Variants in RGMA observed in about 807,000 individuals in gnomAD.
RGMA encodes repulsive guidance molecule BMP co-receptor a, also known as repulsive guidance molecule A.
In RGMA, 10 loss-of-function variants were observed where a neutral mutation model predicts 23.2. The ratio of observed to expected loss-of-function variants is 0.43; its 90% CI spans 0.27 to 0.73. RGMA has a LOEUF of 0.73. RGMA is among the 30% of genes least tolerant of loss of function. RGMA has a pLI of 0.20. For missense variants in RGMA, 547 were observed against 630.5 expected (o/e 0.87, Z 1.42); for synonymous variants, 308 against 279.3 (o/e 1.10, Z -1.03).
At chr15:93,052,535 C>T (rs755533149) in intron 2 of RGMA, 28 bp from the exon 3 acceptor site, 15 of 1,529,720 alleles carry the variant, frequency 9.8e-6, no homozygotes, top group South Asian at 2.5e-5. Flanking sequence ...AACACACCGT[C>T]GGGGTGCAGC....
In RGMA at chr15:93,042,778, A is replaced by T. The variant is rs910881689; in HGVS notation, c.*2220T>A. Reference sequence around the variant, plus strand: ...GAAATGTGATCACAGCTGCCAATAAACCTGGTCCCACAGTGACGTGGACAG... The same window carrying T: ...GAAATGTGATCACAGCTGCCAATAATCCTGGTCCCACAGTGACGTGGACAG... On this transcript the variant is annotated 3_prime_UTR_variant, in exon 4 of 4. Transcript: ENST00000329082. 2.0e-5 allele frequency: 3 copies of T among 152,130 alleles called. No homozygotes were observed. Among genetic ancestry groups the T allele is most frequent in the Admixed American group, 2.0e-4 (3 of 15,272 alleles). 9.4% of individuals were successfully genotyped at this position (152,130 alleles called of 1,614,324 possible).
In RGMA at chr15:93,040,446, G is replaced by C. The variant is rs1293527802; in HGVS notation, c.*4552C>G. The C allele has an allele frequency of 6.6e-6, 1 of 152,560 alleles. No homozygotes were observed. Among genetic ancestry groups the C allele is most frequent in the Non-Finnish European group, 1.5e-5 (1 of 68,344 alleles). The allele number at this position is 152,560 out of a possible 1,614,324, so 9.5% of individuals were successfully genotyped here. ...CTCCCCCTTTGCTGCTGCTGCTCTA[G>C]GGCTGTTACACTGTTTTCTCTGCAC... On this transcript the variant is annotated 3_prime_UTR_variant, in exon 4 of 4. Coordinates refer to ENST00000329082, the MANE Select transcript of RGMA (RefSeq NM_020211.3).
chr15:93,068,717 A>G (rs2141835478), intron 2 of RGMA, among the ~76,000 whole-genome samples: 1 of 152,258 alleles, frequency 6.6e-6, no homozygotes. Context: ...CTGAACATCA[A>G]CTCCGAATTC....
chr15:93,064,168 T>TGG (rs36060311), intron 2 of RGMA, among the ~76,000 whole-genome samples: 89 of 151,994 alleles, frequency 5.9e-4, no homozygotes, highest in African/African-American at 1.2e-3. Flanking sequence ...GCAGCTTCAG[T>TGG]GGGGGGGCTG....
intron 2 of RGMA, among the ~76,000 whole-genome samples, chr15:93,053,017 T>C (rs2054953993): frequency 6.6e-6 from 1 of 152,162 alleles, no homozygotes; most frequent in Admixed American, 6.5e-5. Context: ...GAGTGTGAAG[T>C]GATTTATCAC....
chr15:93,059,893 G>C (rs1013806641), intron 2 of RGMA, among the ~76,000 whole-genome samples: 2 of 152,134 alleles, frequency 1.3e-5, no homozygotes, highest in Non-Finnish European at 2.9e-5. Flanking sequence ...TTTCTGATGC[G>C]AACGTCCATG....
chr15:93,048,091 G>T (rs952807006), intron 3 of RGMA, among the ~76,000 whole-genome samples: 3 of 152,200 alleles, frequency 2.0e-5, no homozygotes, highest in Non-Finnish European at 4.4e-5. Context: ...GAGGCCTGAG[G>T]CCTGGAAAGG....
At position 93,083,169 on chromosome 15, in the gene RGMA, T is replaced by G. The variant is rs537679654; in HGVS notation, c.14+5750A>C. ...AAATCAGACACCTGGAGCTTAGGTATCTACTTGCTCAAAATGCTCCTTATC... is the reference window on the plus strand; with the variant it reads ...AAATCAGACACCTGGAGCTTAGGTAGCTACTTGCTCAAAATGCTCCTTATC... On this transcript the variant is annotated intron_variant, in intron 1 of 3. Transcript: ENST00000329082. Among the ~76,000 whole-genome samples, 253 of 152,382 alleles carry G rather than the reference T, an allele frequency of 1.7e-3. 1 individual carries two copies. Among genetic ancestry groups the G allele is most frequent in the African/African-American group, 5.9e-3 (246 of 41,590 alleles).
At chr15:93,048,264 G>C (rs377290346) in intron 3 of RGMA, among the ~76,000 whole-genome samples, 12 of 152,160 alleles carry the variant, frequency 7.9e-5, no homozygotes, top group Admixed American at 7.9e-4. Flanking sequence ...GGAACCCCCG[G>C]AAGAACAGAG....
intron 2 of RGMA, among the ~76,000 whole-genome samples, chr15:93,058,208 G>A (rs1043306046): frequency 5.8e-4 from 88 of 152,314 alleles, no homozygotes; most frequent in African/African-American, 2.0e-3. Flanking sequence ...ATTCAGGGTC[G>A]ACAGGCAACA....
At chr15:93,063,413 G>A (rs1895036297) in intron 2 of RGMA, among the ~76,000 whole-genome samples, 1 of 152,222 alleles carries the variant, frequency 6.6e-6, no homozygotes, top group African/African-American at 2.4e-5. Context: ...GGATCTCACA[G>A]GGGACAGGAA....
chr15:93,081,435 T>C lies in RGMA; in HGVS notation c.14+7484A>G, dbSNP rs1240018197. 2.0e-5 allele frequency among the ~76,000 whole-genome samples: 3 copies of C among 152,340 alleles called. No homozygotes were observed. In the East Asian group the frequency reaches 5.8e-4, roughly 29 times the overall value. On this transcript the variant is annotated intron_variant, in intron 1 of 3. Transcript: ENST00000329082. ...ATTCAGTAATAATGCCCAACAATAC[T>C]ATAGTATACCTGAAACCATACCTTA...
chr15:93,084,515 C>T (rs530460646), intron 1 of RGMA, among the ~76,000 whole-genome samples: 10 of 152,088 alleles, frequency 6.6e-5, no homozygotes, highest in African/African-American at 2.4e-4. Context: ...CTGTGTTGCC[C>T]AGGCTGGAGT....
At chr15:93,087,091 G>C (rs1268221185) in intron 1 of RGMA, among the ~76,000 whole-genome samples, 1 of 152,146 alleles carries the variant, frequency 6.6e-6, no homozygotes, top group African/African-American at 2.4e-5. Context: ...ACCTGGGAGG[G>C]AAATAATGGA....
rs565849640 is a variant in RGMA at position 93,036,905 on chromosome 15, A to G, written c.*8093T>C. On this transcript the variant is annotated 3_prime_UTR_variant, in exon 4 of 4. Transcript: ENST00000329082. ...ATATCTGCTTTCTAGGGTTTTTGTG[A>G]AATTTGACAAAGCAATGCAGGACTC... The G allele has an allele frequency of 2.0e-5, 3 of 152,300 alleles. No homozygotes were observed. Among genetic ancestry groups the G allele is most frequent in the African/African-American group, 7.2e-5 (3 of 41,532 alleles). 9.4% of individuals were successfully genotyped at this position (152,300 alleles called of 1,614,324 possible).
At chr15:93,055,952 A>C (rs542787511) in intron 2 of RGMA, among the ~76,000 whole-genome samples, 2 of 152,218 alleles carry the variant, frequency 1.3e-5, no homozygotes, top group Non-Finnish European at 2.9e-5. Context: ...TGGGCAGTTC[A>C]TGACAGAAAT....
chr15:93,073,264 C>A (rs1378609009), intron 1 of RGMA: 1 of 972,998 alleles, frequency 1.0e-6, no homozygotes, highest in East Asian at 4.5e-5. Flanking sequence ...CGCACCGCCC[C>A]CTCGCGCTCG....
rs751012725 is a variant in RGMA, at chr15:93,044,958, CGA to C, written c.*38_*39del. ...GGTCCCAGCCCACACATGGGGAAGCCGAGAGGACGGAGCCCGCGCCTCCCTCC... is the reference window on the plus strand; with the variant it reads ...GGTCCCAGCCCACACATGGGGAAGCCGAGGACGGAGCCCGCGCCTCCCTCC... On this transcript the variant is annotated 3_prime_UTR_variant, in exon 4 of 4. Coordinates refer to ENST00000329082, the MANE Select transcript of RGMA (RefSeq NM_020211.3). 17 of 1,502,950 alleles carry C rather than the reference CGA, an allele frequency of 1.1e-5. No homozygotes were observed. The highest frequency in any genetic ancestry group is 2.5e-5 in the South Asian group (2 of 79,546). 93.1% of individuals were successfully genotyped at this position (1,502,950 alleles called of 1,614,324 possible).
At position 93,039,068 on chromosome 15, in the gene RGMA, G is replaced by A. The variant is rs1210466310; in HGVS notation, c.*5930C>T. On this transcript the variant is annotated 3_prime_UTR_variant, in exon 4 of 4. Transcript: ENST00000329082. ...GAGGCTAGGATAAAAGCGGGCAGAG[G>A]AATGTGGAAGGGCTAGACTGGACGA... The A allele has an allele frequency of 1.3e-5, 2 of 152,218 alleles. No homozygotes were observed. Among genetic ancestry groups the A allele is most frequent in the Non-Finnish European group, 2.9e-5 (2 of 68,046 alleles). The allele number at this position is 152,218 out of a possible 1,614,324, so 9.4% of individuals were successfully genotyped here. A position where few individuals can be genotyped will look rare whatever the true frequency, so the allele number is the denominator to read the frequency against.
Sources: allele counts gnomAD v4.1 joint callset (sites outside exome capture counted in the v4.1 genomes callset), GRCh38; gene constraint gnomAD v4.1.1; transcripts MANE v1.5; gene names NCBI Gene and HGNC (gene_info 2026-07-23, HGNC 2026-07-21).